DCC: variants seen among roughly 807,000 people sequenced by gnomAD.
DCC encodes netrin receptor DCC.
In DCC, 58 loss-of-function variants were observed where a neutral mutation model predicts 172.5. The ratio of observed to expected loss-of-function variants is 0.34; its 90% confidence interval spans 0.27 to 0.42. DCC has a LOEUF of 0.42. DCC is among the 10% of genes least tolerant of loss of function. The pLI is 1.00. For synonymous variants in DCC, 709 were observed against 644.5 expected, an observed-to-expected ratio of 1.10 and a Z score of -1.52; for missense variants, 1,740 against 1,791.0, an observed-to-expected ratio of 0.97 and a Z score of 0.51.
chr18:52,846,604 T>C (rs2038894140), intron 2 of DCC, among the ~76,000 whole-genome samples: 2 of 72,660 alleles, frequency 2.8e-5, no homozygotes, highest in Non-Finnish European at 3.0e-5. Context: ...CTTCTGCCAC[T>C]CCAAACACAC....
intron 26 of DCC, among the ~76,000 whole-genome samples, chr18:53,490,524 A>G (rs923579824): frequency 2.6e-5 from 4 of 152,220 alleles, no homozygotes; most frequent in Admixed American, 2.0e-4. Context: ...TGCTATTTGT[A>G]TAATGAATTC....
chr18:53,052,868 G>C (rs139473082), intron 5 of DCC, among the ~76,000 whole-genome samples: 1 of 152,144 alleles, frequency 6.6e-6, no homozygotes, highest in Non-Finnish European at 1.5e-5. Flanking sequence ...GGAAATGCCA[G>C]GCACGATGGC....
chr18:52,472,563 C>A (rs757337903), intron 1 of DCC, among the ~76,000 whole-genome samples: 1 of 152,158 alleles, frequency 6.6e-6, no homozygotes, highest in Non-Finnish European at 1.5e-5. Flanking sequence ...ATTTTGTCCT[C>A]TAGATCTAAA....
At chr18:53,435,478 C>T (rs1302092698) in intron 22 of DCC, among the ~76,000 whole-genome samples, 1 of 152,056 alleles carries the variant, frequency 6.6e-6, no homozygotes, top group Non-Finnish European at 1.5e-5. Flanking sequence ...CAGCATGGAG[C>T]ACTTTGTAAA....
intron 2 of DCC, among the ~76,000 whole-genome samples, chr18:52,800,804 T>C (rs1818723045): frequency 6.6e-6 from 1 of 152,200 alleles, no homozygotes; most frequent in African/African-American, 2.4e-5. Context: ...TCAGTTATTG[T>C]TGCACAGCAA....
At chr18:53,086,953 A>G (rs1216946166) in intron 7 of DCC, among the ~76,000 whole-genome samples, 1 of 151,742 alleles carries the variant, frequency 6.6e-6, no homozygotes. Context: ...ATGGGGGCAT[A>G]GTATTCCATG....
chr18:52,380,511 TA>T (rs1985540166), intron 1 of DCC, among the ~76,000 whole-genome samples: 1 of 152,040 alleles, frequency 6.6e-6, no homozygotes, highest in African/African-American at 2.4e-5. Flanking sequence ...CCCACATCTC[TA>T]AACTCCATTC....
intron 5 of DCC, among the ~76,000 whole-genome samples, chr18:53,045,143 G>A (rs914415941): frequency 2.2e-4 from 34 of 151,988 alleles, no homozygotes; most frequent in African/African-American, 7.9e-4. Context: ...TCCTTTAATT[G>A]ATGAATAATA....
At chr18:53,024,572 T>A (rs1330493324) in intron 5 of DCC, among the ~76,000 whole-genome samples, 1 of 152,132 alleles carries the variant, frequency 6.6e-6, no homozygotes, top group African/African-American at 2.4e-5. Context: ...TCACAGCGAA[T>A]GGGAAACAGA....
chr18:52,539,156 T>G (rs2032368595), intron 1 of DCC, among the ~76,000 whole-genome samples: 1 of 152,222 alleles, frequency 6.6e-6, no homozygotes, highest in Non-Finnish European at 1.5e-5. Context: ...TCTTCTTCAA[T>G]TCAAGATTTT....
At chr18:53,361,356 A>G (rs1480258223) in intron 15 of DCC, among the ~76,000 whole-genome samples, 3 of 152,102 alleles carry the variant, frequency 2.0e-5, no homozygotes, top group Admixed American at 6.6e-5. Context: ...TTCCCCCCCA[A>G]TCTCCTAAAC....
At chr18:53,312,207 G>A (rs2057279542) in intron 13 of DCC, among the ~76,000 whole-genome samples, 1 of 148,658 alleles carries the variant, frequency 6.7e-6, no homozygotes, top group Non-Finnish European at 1.5e-5. Context: ...GTGTGGTGGT[G>A]GCGGGCGTCT....
At chr18:53,306,523 G>C (rs2057202321) in intron 13 of DCC, among the ~76,000 whole-genome samples, 1 of 152,110 alleles carries the variant, frequency 6.6e-6, no homozygotes, top group South Asian at 2.1e-4. Flanking sequence ...AGGTCTCCTG[G>C]GTGTCTCTTG....
At chr18:52,791,062 T>A (rs1038083466) in intron 2 of DCC, among the ~76,000 whole-genome samples, 8 of 151,928 alleles carry the variant, frequency 5.3e-5, no homozygotes, top group African/African-American at 1.7e-4. Flanking sequence ...GAGGAGCTGG[T>A]GGTGTGGTTG....
chr18:53,377,598 C>G lies in DCC; in HGVS notation c.2360-8445C>G, dbSNP rs118171865. ...ACACATTCAAACAAACCATAGCAAT[C>G]ACCTACCTATAAAAAGAGGACACTC... On this transcript the variant is annotated intron_variant, in intron 15 of 28. Coordinates refer to ENST00000442544, the MANE Select transcript of DCC (RefSeq NM_005215.4). Among the ~76,000 whole-genome samples, 1,469 of 152,278 alleles carry G rather than the reference C, an allele frequency of 9.6e-3. 16 individuals are homozygous for G. Among genetic ancestry groups the G allele is most frequent in the Admixed American group, 0.026 (401 of 15,290 alleles).
chr18:52,799,597 A>C (rs1424149802), intron 2 of DCC, among the ~76,000 whole-genome samples: 3 of 152,128 alleles, frequency 2.0e-5, no homozygotes, highest in Non-Finnish European at 4.4e-5. Context: ...CAAATACCTA[A>C]AGTTAATTCC....
chr18:52,545,780 A>C (rs1041913660), intron 1 of DCC, among the ~76,000 whole-genome samples: 1 of 152,208 alleles, frequency 6.6e-6, no homozygotes, highest in Non-Finnish European at 1.5e-5. Flanking sequence ...ATGTGTTAGC[A>C]GTAGACTGGC....
At position 52,421,403 on chromosome 18, in the gene DCC, C is replaced by T. The variant is rs142009962; in HGVS notation, c.91+80525C>T. Among the ~76,000 whole-genome samples, 141 of 152,232 alleles carry T rather than the reference C, an allele frequency of 9.3e-4. 2 individuals are homozygous for T. The East Asian group carries it at 0.022, about 24-fold the overall frequency. On this transcript the variant is annotated intron_variant, in intron 1 of 28. Coordinates refer to ENST00000442544, the MANE Select transcript of DCC (RefSeq NM_005215.4). The stretch of plus-strand genomic sequence containing the variant: ...ATATGGCTAACTATGAGGAGTGGCC[C>T]TTGCAGTGCCCTTCCTTTAGAAGTC...
intron 1 of DCC, among the ~76,000 whole-genome samples, chr18:52,647,675 A>G (rs1036717332): frequency 6.6e-6 from 1 of 152,210 alleles, no homozygotes; most frequent in Non-Finnish European, 1.5e-5. Context: ...AAATATAAAC[A>G]TCAATTAAAG....
Sources: gnomAD v4.1 joint callset for allele counts (sites outside exome capture counted in the v4.1 genomes callset) on GRCh38, gnomAD v4.1.1 for gene constraint, MANE v1.5 for transcripts, NCBI Gene and HGNC (gene_info 2026-07-23, HGNC 2026-07-21) for gene names.